LRP1B: variants seen among roughly 807,000 people sequenced by gnomAD.
LRP1B encodes the protein low-density lipoprotein receptor-related protein 1B.
A neutral mutation model predicts 556.6 loss-of-function variants in LRP1B; 217 were observed. That is an observed-to-expected ratio of 0.39 (90% confidence interval 0.35 to 0.44). The LOEUF (loss-of-function observed/expected upper bound fraction) is 0.44, where lower values mean the gene tolerates loss of function less well. Among genes scored for constraint, LRP1B ranks in the 20% least tolerant of loss-of-function variants. The pLI, the probability that LRP1B is intolerant of heterozygous loss-of-function variation, is 1.00. For synonymous variants in LRP1B, 2,047 were observed against 1,865.8 expected, an observed-to-expected ratio of 1.10 and a Z score of -2.50; for missense variants, 5,053 against 5,620.8, an observed-to-expected ratio of 0.90 and a Z score of 3.23.
At chr2:140,435,341 T>C (rs1686127725) in intron 66 of LRP1B, among the ~76,000 whole-genome samples, 1 of 152,200 alleles carries the variant, frequency 6.6e-6, no homozygotes, top group Non-Finnish European at 1.5e-5. Context: ...GAACTGAATA[T>C]ACTTGGCAAA....
chr2:141,813,768 CAG>C (rs1696436228), intron 1 of LRP1B, among the ~76,000 whole-genome samples: 1 of 152,084 alleles, frequency 6.6e-6, no homozygotes, highest in African/African-American at 2.4e-5. Context: ...TTCTGCCATT[CAG>C]AGAGTTCTGG....
chr2:140,701,022 G>T lies in LRP1B; in HGVS notation c.6428-401C>A, dbSNP rs577385561. On this transcript the variant is annotated intron_variant, in intron 40 of 90. Coordinates refer to ENST00000389484, the MANE Select transcript of LRP1B (RefSeq NM_018557.3). The stretch of plus-strand genomic sequence containing the variant: ...TCTTTGAGATATGGAAAGCATCAAA[G>T]AAATCTATAGCTACAATGTGCCTAA... Among the ~76,000 whole-genome samples, 4 of 152,038 alleles carry T rather than the reference G, an allele frequency of 2.6e-5. No homozygotes were observed. The East Asian group carries it at 5.8e-4, about 22-fold the overall frequency.
chr2:141,290,295 C>T (rs1486282924), intron 3 of LRP1B, among the ~76,000 whole-genome samples: 1 of 152,064 alleles, frequency 6.6e-6, no homozygotes, highest in Admixed American at 6.5e-5. Flanking sequence ...GATTCAATAT[C>T]GCCCACTAAG....
At chr2:141,638,243 C>T (rs534437456) in intron 2 of LRP1B, among the ~76,000 whole-genome samples, 28 of 152,044 alleles carry the variant, frequency 1.8e-4, no homozygotes, top group Admixed American at 6.5e-4. Context: ...GTGGCTCCCT[C>T]TCTTGCCATG....
At chr2:141,367,499 T>TAA (rs1559032880) in intron 3 of LRP1B, among the ~76,000 whole-genome samples, 17 of 112,390 alleles carry the variant, frequency 1.5e-4, no homozygotes, top group African/African-American at 6.1e-4. Context: ...TTTTTTTTTT[T>TAA]TGAGATGAAG....
chr2:141,206,592 A>AAAAAT (rs1573650391), intron 6 of LRP1B, among the ~76,000 whole-genome samples: 1 of 152,004 alleles, frequency 6.6e-6, no homozygotes, highest in African/African-American at 2.4e-5. Context: ...GTCTCAAAAA[A>AAAAAT]AAAATAAAGA....
chr2:141,390,616 C>T (rs1174595921), intron 3 of LRP1B, among the ~76,000 whole-genome samples: 1 of 152,186 alleles, frequency 6.6e-6, no homozygotes, highest in African/African-American at 2.4e-5. Flanking sequence ...GAATGAAGTA[C>T]TGATACATTC....
intron 1 of LRP1B, among the ~76,000 whole-genome samples, chr2:142,033,196 T>C (rs1703766448): frequency 6.6e-6 from 1 of 151,810 alleles, no homozygotes; most frequent in Non-Finnish European, 1.5e-5. Context: ...GAATTGAATT[T>C]TTAGGACAAT....
At chr2:141,798,705 CAAAAAA>C (rs151310050) in intron 2 of LRP1B, among the ~76,000 whole-genome samples, 18 of 62,108 alleles carry the variant, frequency 2.9e-4, no homozygotes, top group African/African-American at 9.3e-4. Context: ...GACTCTGTCT[CAAAAAA>C]AAAAAAAAAA....
At chr2:140,604,793 A>T (rs1006866780) in intron 41 of LRP1B, among the ~76,000 whole-genome samples, 1 of 151,766 alleles carries the variant, frequency 6.6e-6, no homozygotes, top group Admixed American at 6.6e-5. Flanking sequence ...GGGGTAATTG[A>T]ATCACAGTGG....
chr2:141,788,569 A>C (rs1695499335), intron 2 of LRP1B, among the ~76,000 whole-genome samples: 1 of 151,868 alleles, frequency 6.6e-6, no homozygotes, highest in African/African-American at 2.4e-5. Context: ...TTTAGGGTAC[A>C]TGTGCACAAT....
At chr2:142,054,905 C>A (rs1181047259) in intron 1 of LRP1B, among the ~76,000 whole-genome samples, 1 of 151,972 alleles carries the variant, frequency 6.6e-6, no homozygotes. Flanking sequence ...GAACATTTTA[C>A]ATAATCTCTT....
At chr2:141,498,296 C>T (rs949912485) in intron 2 of LRP1B, among the ~76,000 whole-genome samples, 1 of 151,582 alleles carries the variant, frequency 6.6e-6, no homozygotes, top group African/African-American at 2.4e-5. Context: ...ACTCTAACAC[C>T]TTGTACTATG....
At chr2:140,504,871 C>T (rs1054038486) in intron 53 of LRP1B, among the ~76,000 whole-genome samples, 2 of 152,190 alleles carry the variant, frequency 1.3e-5, no homozygotes, top group Non-Finnish European at 2.9e-5. Flanking sequence ...CTCTATGGCT[C>T]CTTTGCTCCA....
intron 6 of LRP1B, among the ~76,000 whole-genome samples, chr2:141,206,595 A>AG (rs1239676358): frequency 6.6e-6 from 1 of 151,994 alleles, no homozygotes; most frequent in African/African-American, 2.4e-5. Flanking sequence ...TCAAAAAAAA[A>AG]ATAAAGAATC....
intron 25 of LRP1B, among the ~76,000 whole-genome samples, chr2:140,869,312 G>A (rs116760073): frequency 3.3e-5 from 5 of 152,174 alleles, no homozygotes; most frequent in African/African-American, 1.2e-4. Flanking sequence ...GGAGTTCGCT[G>A]AACTGCAGGA....
rs1297190080 is a variant in LRP1B, at chr2:140,743,993, T to TAAAAAAAAAAAAAAA, written c.5758+25219_5758+25220insTTTTTTTTTTTTTTT. On this transcript the variant is annotated intron_variant, in intron 35 of 90. Coordinates refer to ENST00000389484, the MANE Select transcript of LRP1B (RefSeq NM_018557.3). ...AAAAAAAAAAAAAAAAAAAAAAAAG[T>TAAAAAAAAAAAAAAA]AAAAAGTAAAATCCATAGACATAGA... Among the ~76,000 whole-genome samples the TAAAAAAAAAAAAAAA allele has an allele frequency of 4.2e-4, 3 of 7,174 alleles. 1 individual carries two copies. The highest frequency in any genetic ancestry group is 9.4e-4 in the African/African-American group (3 of 3,180). 4.7% of individuals were successfully genotyped at this position (7,174 alleles called of 152,430 possible).
At chr2:140,717,662 C>A (rs1687260674) in intron 35 of LRP1B, among the ~76,000 whole-genome samples, 1 of 152,062 alleles carries the variant, frequency 6.6e-6, no homozygotes, top group Non-Finnish European at 1.5e-5. Context: ...AATTTGCCAG[C>A]AACTAAGTAC....
intron 3 of LRP1B, among the ~76,000 whole-genome samples, chr2:141,273,310 A>G (rs1192125596): frequency 6.7e-6 from 1 of 149,556 alleles, no homozygotes; most frequent in African/African-American, 2.4e-5. Context: ...CTCCATCTCA[A>G]AAAAAAAAAG....
Sources: allele counts gnomAD v4.1 joint callset (sites outside exome capture counted in the v4.1 genomes callset), GRCh38; gene constraint gnomAD v4.1.1; transcripts MANE v1.5; gene names NCBI Gene and HGNC (gene_info 2026-07-23, HGNC 2026-07-21).